The following SNPH variants were observed in gnomAD, a reference collection of about 807,000 sequenced individuals.
The protein encoded by SNPH is syntaphilin.
Under a neutral mutation model 36.8 loss-of-function variants are expected in SNPH, and 10 were observed. The observed-to-expected ratio is 0.27, with a 90% CI of 0.17 to 0.46. The LOEUF (loss-of-function observed/expected upper bound fraction) is 0.46. Among genes scored for constraint, SNPH ranks in the 20% least tolerant of loss-of-function variants. The pLI is 1.00. For synonymous variants in SNPH, 281 were observed against 312.2 expected (o/e 0.90, Z 1.05); for missense variants, 622 against 744.0 (o/e 0.84, Z 1.91).
At chr20:1,281,094 A>G (rs182283746) in intron 2 of SNPH, among the ~76,000 whole-genome samples, 4 of 152,312 alleles carry the variant, frequency 2.6e-5, no homozygotes, top group Non-Finnish European at 4.4e-5. Context: ...AATATTGAGT[A>G]GGCAGCGAAG....
At position 1,302,824 on chromosome 20, in the gene SNPH, C is replaced by T. The variant is rs1054474903; in HGVS notation, c.441-2054C>T. On this transcript the variant is annotated intron_variant, in intron 6 of 6. Coordinates refer to ENST00000381867, the MANE Select transcript of SNPH (RefSeq NM_001318234.2). ...TTAAACTACAGGCGGTTACGGGTAG[C>T]ATTCAGCGAGCTTCATTGTCGGCAG... Among the ~76,000 whole-genome samples the T allele has an allele frequency of 3.3e-4, 50 of 152,256 alleles. 1 individual carries two copies. Among genetic ancestry groups the T allele is most frequent in the South Asian group, 2.1e-4 (1 of 4,832 alleles).
chr20:1,267,268 C>A (rs532717899), intron 2 of SNPH, among the ~76,000 whole-genome samples: 3 of 152,130 alleles, frequency 2.0e-5, no homozygotes, highest in Admixed American at 2.0e-4. Flanking sequence ...ACGATCTGAG[C>A]CTCCGTCTCC....
rs1449376316 is a variant in SNPH, at chr20:1,296,424, G to A, written c.182+3G>A. ...CGGACCTCTGCTGGATCACGCAGGT[G>A]AGTCTCCCCCTCGCTCACAGCCTAG... On this transcript the variant is annotated splice_donor_region_variant and intron_variant, in intron 4 of 6. Coordinates refer to ENST00000381867, the MANE Select transcript of SNPH (RefSeq NM_001318234.2). 6.3e-7 allele frequency: 1 copy of A among 1,594,750 alleles called. No individual in the cohort carries two copies. The highest frequency in any genetic ancestry group is 8.5e-7 in the Non-Finnish European group (1 of 1,171,670).
chr20:1,266,896 A>AC lies in SNPH; in HGVS notation c.-493+139dup. The AC allele has an allele frequency of 8.4e-7, 1 of 1,192,828 alleles. No homozygotes were observed. Among genetic ancestry groups the AC allele is most frequent in the Non-Finnish European group, 1.1e-6 (1 of 946,946 alleles). 73.9% of individuals were successfully genotyped at this position (1,192,828 alleles called of 1,614,324 possible). A position where few individuals can be genotyped will look rare whatever the true frequency, so the allele number is the denominator to read the frequency against. ...GAGGGGTTAATCGTGACTCATTCTT[A>AC]CCCTCCCTTCATTCCCCTACATCCC... On this transcript the variant is annotated intron_variant, in intron 2 of 6. Coordinates refer to ENST00000381867, the MANE Select transcript of SNPH (RefSeq NM_001318234.2). This position sits in a 1 kb window ranked among gnomAD's most constrained non-coding sequence, Gnocchi z 6.0.
In SNPH at chr20:1,297,131, C is replaced by T. The variant is rs1296661775; in HGVS notation, c.183-14C>T. On this transcript the variant is annotated splice_polypyrimidine_tract_variant and intron_variant, in intron 4 of 6. Coordinates refer to ENST00000381867, the MANE Select transcript of SNPH (RefSeq NM_001318234.2). ...CAGCCAGAACGAGCACCTGCCTCTTCTTCCTGCCTCCAGGCGCACCTCTCC... is the reference window on the plus strand; with the variant it reads ...CAGCCAGAACGAGCACCTGCCTCTTTTTCCTGCCTCCAGGCGCACCTCTCC... The T allele has an allele frequency of 6.2e-7, 1 of 1,607,272 alleles. No homozygotes were observed. Among genetic ancestry groups the T allele is most frequent in the Admixed American group, 1.7e-5 (1 of 59,574 alleles).
At chr20:1,269,495 C>G (rs1203840371) in intron 2 of SNPH, among the ~76,000 whole-genome samples, 1 of 152,156 alleles carries the variant, frequency 6.6e-6, no homozygotes, top group Admixed American at 6.5e-5. Context: ...TGCATCGTCC[C>G]CTTCCAAAGG....
intron 2 of SNPH, among the ~76,000 whole-genome samples, chr20:1,281,515 C>T (rs955791508): frequency 1.3e-5 from 2 of 152,192 alleles, no homozygotes; most frequent in South Asian, 2.1e-4. Context: ...TCCCTATGCC[C>T]CTACACTGTG....
At chr20:1,277,680 CCATGTGTGTG>C (rs1215815364) in intron 2 of SNPH, among the ~76,000 whole-genome samples, 5 of 93,938 alleles carry the variant, frequency 5.3e-5, no homozygotes, top group African/African-American at 2.2e-4. Context: ...CCGTGTGTGT[CCATGTGTGTG>C]CCTGTGTGTC....
At chr20:1,281,662 G>C (rs2088225336) in intron 2 of SNPH, among the ~76,000 whole-genome samples, 1 of 152,226 alleles carries the variant, frequency 6.6e-6, no homozygotes, top group African/African-American at 2.4e-5. Context: ...CTATGCACCT[G>C]TCCTCCAGAG....
At position 1,308,250 on chromosome 20, in the gene SNPH, A is replaced by T. The variant is rs1298942790; in HGVS notation, c.*2196A>T. 6.5e-6 allele frequency: 1 copy of T among 153,398 alleles called. No individual in the cohort carries two copies. Among genetic ancestry groups the T allele is most frequent in the East Asian group, 1.9e-4 (1 of 5,206 alleles). 9.5% of individuals were successfully genotyped at this position (153,398 alleles called of 1,614,324 possible). A position where few individuals can be genotyped will look rare whatever the true frequency, so the allele number is the denominator to read the frequency against. On this transcript the variant is annotated 3_prime_UTR_variant, in exon 7 of 7. Transcript: ENST00000381867. Reference sequence around the variant, plus strand: ...CTGTGGTTGGGCCTGAGGCCTGTGGAGGAGGTGAGTGTAGCCAGCAGCGGC... The same window carrying T: ...CTGTGGTTGGGCCTGAGGCCTGTGGTGGAGGTGAGTGTAGCCAGCAGCGGC...
In SNPH at chr20:1,296,220, G is replaced by A. The variant is rs1449586274; in HGVS notation, c.-20G>A. 1.7e-5 allele frequency: 26 copies of A among 1,499,580 alleles called. No homozygotes were observed. The highest frequency in any genetic ancestry group is 1.1e-4 in the East Asian group (4 of 37,664). 92.9% of individuals were successfully genotyped at this position (1,499,580 alleles called of 1,614,324 possible). A position where few individuals can be genotyped will look rare whatever the true frequency, so the allele number is the denominator to read the frequency against. ...GCCCTCGCTCCTGGGGTGTCCTGCC[G>A]AAGGGTGAGAAGAGAAGCCATGCCG... On this transcript the variant is annotated 5_prime_UTR_variant, in exon 4 of 7. Transcript: ENST00000381867.
At chr20:1,288,480 G>A (rs1227000674) in intron 2 of SNPH, among the ~76,000 whole-genome samples, 1 of 152,162 alleles carries the variant, frequency 6.6e-6, no homozygotes, top group Non-Finnish European at 1.5e-5. Context: ...TGGGCTGCTG[G>A]GTGGGACGCA....
At chr20:1,287,440 G>T (rs1488401585) in intron 2 of SNPH, among the ~76,000 whole-genome samples, 1 of 152,094 alleles carries the variant, frequency 6.6e-6, no homozygotes, top group African/African-American at 2.4e-5. Context: ...GAGGGCAAGG[G>T]TTGTGGTACA....
chr20:1,291,304 C>T (rs558604514), intron 2 of SNPH, among the ~76,000 whole-genome samples: 1 of 152,302 alleles, frequency 6.6e-6, no homozygotes, highest in African/African-American at 2.4e-5. Flanking sequence ...GTGGTCCCAG[C>T]TTTGAGGGTG....
chr20:1,302,834 G>T (rs1430328166), intron 6 of SNPH, among the ~76,000 whole-genome samples: 1 of 152,270 alleles, frequency 6.6e-6, no homozygotes, highest in Non-Finnish European at 1.5e-5. Context: ...CATTCAGCGA[G>T]CTTCATTGTC....
chr20:1,293,601 G>A (rs966020097), intron 2 of SNPH, among the ~76,000 whole-genome samples: 1 of 152,152 alleles, frequency 6.6e-6, no homozygotes, highest in Non-Finnish European at 1.5e-5. Flanking sequence ...GTAGGATCCT[G>A]AGAGGTGGCT....
At chr20:1,277,891 C>CTG (rs202074204) in intron 2 of SNPH, among the ~76,000 whole-genome samples, 3 of 127,502 alleles carry the variant, frequency 2.4e-5, no homozygotes, top group Admixed American at 8.0e-5. Flanking sequence ...GCCGATGTGT[C>CTG]TGTGTATGTA....
At position 1,305,762 on chromosome 20, in the gene SNPH, T is replaced by G; in HGVS notation, c.1325T>G (p.Val442Gly). Reference protein sequence around the residue: ...PGANPNPGQSVSVVCPMEEEE... With the variant: ...PGANPNPGQSGSVVCPMEEEE... ...GCCAACCCCAACCCTGGCCAGTCGGTGAGCGTGGTGTGCCCCATGGAAGAG... is the reference window on the plus strand; with the variant it reads ...GCCAACCCCAACCCTGGCCAGTCGGGGAGCGTGGTGTGCCCCATGGAAGAG... The change falls in exon 7 of 7, where the codon GTG (valine) becomes GGG (glycine). Residue 442 changes from valine to glycine, a missense_variant. Transcript: ENST00000381867. The G allele has an allele frequency of 6.2e-7, 1 of 1,610,886 alleles. No homozygotes were observed. Among genetic ancestry groups the G allele is most frequent in the South Asian group, 1.1e-5 (1 of 90,720 alleles).
intron 5 of SNPH, among the ~76,000 whole-genome samples, chr20:1,298,379 A>G (rs997119604): frequency 5.3e-5 from 8 of 152,304 alleles, no homozygotes; most frequent in Middle Eastern, 3.4e-3. Context: ...AGAGGATGTC[A>G]TTTGTGTGAA....
Sources: gnomAD v4.1 joint callset for allele counts (sites outside exome capture counted in the v4.1 genomes callset) on GRCh38, gnomAD v4.1.1 for gene constraint, Gnocchi (gnomAD v3.1) non-coding constraint, MANE v1.5 for transcripts, NCBI Gene and HGNC (gene_info 2026-07-23, HGNC 2026-07-21) for gene names.